The following SLC24A3 variants were observed in gnomAD, a reference collection of about 807,000 sequenced individuals.
SLC24A3 encodes sodium/potassium/calcium exchanger 3.
SLC24A3 carries 28 observed loss-of-function variants against 75.8 expected under a neutral mutation model. That is an observed-to-expected ratio of 0.37 (90% CI 0.27 to 0.51). The LOEUF (loss-of-function observed/expected upper bound fraction) is 0.51, where lower values mean the gene tolerates loss of function less well. SLC24A3 is among the 20% of genes least tolerant of loss of function. The probability of loss-of-function intolerance (pLI) is 0.94; values close to 1 mark genes in which losing one functional copy is unlikely to be tolerated. For synonymous variants in SLC24A3, 372 were observed against 334.1 expected (o/e 1.11, Z -1.24); for missense variants, 663 against 847.8 (o/e 0.78, Z 2.71).
chr20:19,669,208 A>G (rs917338431), intron 8 of SLC24A3, among the ~76,000 whole-genome samples: 7 of 152,300 alleles, frequency 4.6e-5, no homozygotes, highest in African/African-American at 9.6e-5. Flanking sequence ...GACACTTGAC[A>G]TAGGAAGCAT....
chr20:19,417,351 G>A (rs1348391886), intron 2 of SLC24A3, among the ~76,000 whole-genome samples: 1 of 152,184 alleles, frequency 6.6e-6, no homozygotes, highest in African/African-American at 2.4e-5. Context: ...CCACGGAAAT[G>A]ATAATAACAT....
intron 15 of SLC24A3, 82 bp from the exon 16 acceptor site, chr20:19,717,446 G>T: frequency 7.1e-7 from 1 of 1,411,744 alleles, no homozygotes. Context: ...TCAGAGTTGC[G>T]TAGGCAGATG....
At chr20:19,330,181 T>C (rs1161855082) in intron 2 of SLC24A3, among the ~76,000 whole-genome samples, 3 of 152,188 alleles carry the variant, frequency 2.0e-5, no homozygotes, top group Non-Finnish European at 4.4e-5. Context: ...TGCTGTTGTC[T>C]CCTGGCCAGA....
chr20:19,361,341 T>G (rs1985784414), intron 2 of SLC24A3, among the ~76,000 whole-genome samples: 1 of 152,158 alleles, frequency 6.6e-6, no homozygotes, highest in Non-Finnish European at 1.5e-5. Flanking sequence ...GGCTTTAGAA[T>G]CCCTCTCACA....
intron 6 of SLC24A3, among the ~76,000 whole-genome samples, chr20:19,623,552 C>T (rs2031831903): frequency 6.6e-6 from 1 of 152,146 alleles, no homozygotes; most frequent in Non-Finnish European, 1.5e-5. Flanking sequence ...AACCACTAGC[C>T]ACATATGGCC....
At chr20:19,654,641 C>G (rs1316027013) in intron 7 of SLC24A3, among the ~76,000 whole-genome samples, 1 of 89,950 alleles carries the variant, frequency 1.1e-5, no homozygotes, top group East Asian at 4.1e-4. Flanking sequence ...AAATAGAATC[C>G]TTTTTTTTTT....
chr20:19,353,378 T>G (rs1331679956), intron 2 of SLC24A3, among the ~76,000 whole-genome samples: 1 of 152,164 alleles, frequency 6.6e-6, no homozygotes, highest in East Asian at 1.9e-4. Flanking sequence ...AGTTTAATCA[T>G]AGCTATTTAA....
At chr20:19,291,254 A>G (rs1453341703) in intron 2 of SLC24A3, among the ~76,000 whole-genome samples, 2 of 152,188 alleles carry the variant, frequency 1.3e-5, no homozygotes, top group Non-Finnish European at 2.9e-5. Context: ...AGGGAGGCCC[A>G]GGTAGGCCTG....
intron 2 of SLC24A3, among the ~76,000 whole-genome samples, chr20:19,373,787 C>CT: frequency 6.6e-6 from 1 of 151,936 alleles, no homozygotes; most frequent in Non-Finnish European, 1.5e-5. Flanking sequence ...AGTGGGTGGG[C>CT]TTCTGAATTT....
At chr20:19,632,227 T>C (rs2031942951) in intron 6 of SLC24A3, among the ~76,000 whole-genome samples, 1 of 152,160 alleles carries the variant, frequency 6.6e-6, no homozygotes, top group South Asian at 2.1e-4. Context: ...GGTAGGTGTA[T>C]TAGCTTCCTA....
chr20:19,662,104 C>A (rs1014543991), intron 7 of SLC24A3, among the ~76,000 whole-genome samples: 5 of 152,232 alleles, frequency 3.3e-5, no homozygotes, highest in African/African-American at 1.2e-4. Context: ...TTTGGATGAA[C>A]CACATGTGGG....
chr20:19,501,310 A>G (rs1027966426), intron 2 of SLC24A3, among the ~76,000 whole-genome samples: 1 of 152,236 alleles, frequency 6.6e-6, no homozygotes, highest in Admixed American at 6.5e-5. Context: ...ACTTTCTTCC[A>G]TAAAAAAAGT....
intron 6 of SLC24A3, among the ~76,000 whole-genome samples, chr20:19,646,191 A>G (rs1011157065): frequency 6.6e-6 from 1 of 152,232 alleles, no homozygotes; most frequent in Non-Finnish European, 1.5e-5. Context: ...TTATCCAAAG[A>G]AAGTCAAAAT....
chr20:19,693,544 C>CA, intron 13 of SLC24A3, 119 bp downstream of exon 13: 1 of 1,279,528 alleles, frequency 7.8e-7, no homozygotes, highest in Non-Finnish European at 1.1e-6. Flanking sequence ...ATAAGCTGCA[C>CA]AACGAACCAC....
At chr20:19,540,352 G>A (rs2030473872) in intron 3 of SLC24A3, among the ~76,000 whole-genome samples, 2 of 152,164 alleles carry the variant, frequency 1.3e-5, no homozygotes, top group Admixed American at 6.5e-5. Context: ...AGGGAGTGGT[G>A]CTCCTCGAGA....
chr20:19,344,875 G>T (rs1447930725), intron 2 of SLC24A3, among the ~76,000 whole-genome samples: 1 of 152,182 alleles, frequency 6.6e-6, no homozygotes, highest in Non-Finnish European at 1.5e-5. Context: ...GGGCTTAACA[G>T]TGAAAGTAAT....
chr20:19,337,593 T>C (rs1166637885), intron 2 of SLC24A3, among the ~76,000 whole-genome samples: 2 of 152,206 alleles, frequency 1.3e-5, no homozygotes, highest in African/African-American at 4.8e-5. Context: ...CCATGTGTCT[T>C]GGGGAAAGAT....
chr20:19,668,669 G>A (rs1290621230), intron 8 of SLC24A3, among the ~76,000 whole-genome samples: 1 of 152,220 alleles, frequency 6.6e-6, no homozygotes, highest in African/African-American at 2.4e-5. Context: ...CACCATTCCT[G>A]AAGCAGCATT....
intron 6 of SLC24A3, among the ~76,000 whole-genome samples, chr20:19,595,926 G>A (rs2031446366): frequency 6.6e-6 from 1 of 152,170 alleles, no homozygotes; most frequent in Non-Finnish European, 1.5e-5. Context: ...CAGGTGGGAA[G>A]AAGAGTAAAT....
Sources: gnomAD v4.1 joint callset for allele counts (sites outside exome capture counted in the v4.1 genomes callset) on GRCh38, gnomAD v4.1.1 for gene constraint, MANE v1.5 for transcripts, NCBI Gene and HGNC (gene_info 2026-07-23, HGNC 2026-07-21) for gene names.